Variants in DNAH17 observed in about 807,000 individuals in gnomAD.
DNAH17 encodes axonemal beta dynein heavy chain 17.
In DNAH17, 376 loss-of-function variants were observed where a neutral mutation model predicts 485.6. The observed-to-expected ratio is 0.77, with a 90% confidence interval of 0.71 to 0.84. DNAH17 has a LOEUF of 0.84. Among genes scored for constraint, DNAH17 ranks in the 40% least tolerant of loss-of-function variants. DNAH17 has a pLI of 0.00. For missense variants in DNAH17, 6,370 were observed against 5,839.3 expected, an observed-to-expected ratio of 1.09 and a Z score of -2.96; for synonymous variants, 3,031 against 2,405.9, an observed-to-expected ratio of 1.26 and a Z score of -7.60.
chr17:78,561,757 C>T lies in DNAH17; in HGVS notation c.1793G>A (p.Arg598Lys). The stretch of plus-strand genomic sequence containing the variant: ...CAGGTGTTTCATGGACACCTCTAGC[C>T]TCTCCTGCAGCTCCAGGCTCCATTT... ...QLKWSLELQE[R>K]LEVSMKHLKH... Residue 598 changes from arginine to lysine, a missense_variant, in exon 12 of 81, where the codon AGG becomes AAG. Arg to Lys is a conservative substitution (Grantham distance 26). Transcript: ENST00000389840. 2 of 1,612,800 alleles carry T rather than the reference C, an allele frequency of 1.2e-6. No individual in the cohort carries two copies. The highest frequency in any genetic ancestry group is 3.3e-5 in the Admixed American group (2 of 59,850).
rs762339622 is a variant in DNAH17, at chr17:78,485,741, G to T, written c.7292C>A (p.Thr2431Asn). 1.2e-6 allele frequency: 2 copies of T among 1,612,802 alleles called. No individual in the cohort carries two copies. The highest frequency in any genetic ancestry group is 1.7e-5 in the Admixed American group (1 of 59,934). ...DVPLQASLVH[T>N]TETIRIRYFM... Reference sequence around the variant, plus strand: ...GTAGCGGATGCGGATGGTTTCCGTGGTGTGGACCAAAGAGGCCTGGGGCAG... The same window carrying T: ...GTAGCGGATGCGGATGGTTTCCGTGTTGTGGACCAAAGAGGCCTGGGGCAG... The change falls in exon 47 of 81, where the codon ACC becomes AAC. Residue 2431 changes from threonine to asparagine, a missense_variant. Transcript: ENST00000389840.
intron 7 of DNAH17, among the ~76,000 whole-genome samples, chr17:78,569,890 G>A (rs554136234): frequency 5.3e-5 from 8 of 152,274 alleles, no homozygotes; most frequent in East Asian, 1.9e-4. Context: ...GCTAGCAGGT[G>A]CTTATGAATG....
chr17:78,542,693 C>G (rs1256786248), intron 17 of DNAH17, among the ~76,000 whole-genome samples: 1 of 152,188 alleles, frequency 6.6e-6, no homozygotes, highest in Admixed American at 6.5e-5. Context: ...CTGGTAGGGA[C>G]ATAGAGTCAT....
At chr17:78,432,907 C>CG (rs1025225509) in intron 75 of DNAH17, among the ~76,000 whole-genome samples, 1 of 118,662 alleles carries the variant, frequency 8.4e-6, no homozygotes, top group Non-Finnish European at 1.8e-5. Context: ...AACGTGCCCC[C>CG]CCCCCCCGAC....
Position 78,451,569 on chromosome 17 carries a change from T to C in DNAH17, c.10634A>G (p.Gln3545Arg), listed in dbSNP as rs2087555121. 1 of 1,613,618 alleles carries C rather than the reference T, an allele frequency of 6.2e-7. No individual in the cohort carries two copies. Among genetic ancestry groups the C allele is most frequent in the Non-Finnish European group, 8.5e-7 (1 of 1,179,662 alleles). The change falls in exon 66 of 81, where the codon CAG (glutamine) becomes CGG (arginine). Residue 3545 changes from glutamine (Q) to arginine (R), a missense_variant. Gln to Arg is a conservative substitution (Grantham distance 43). Coordinates refer to ENST00000389840, the MANE Select transcript of DNAH17 (RefSeq NM_173628.4). ...GACCAGGAAGTTGATGAGGGTGCACTGAGCCTGCATCTCTGGCTTGTAGTG... is the reference window on the plus strand; with the variant it reads ...GACCAGGAAGTTGATGAGGGTGCACCGAGCCTGCATCTCTGGCTTGTAGTG... ...NPHYKPEMQA[Q>R]CTLINFLVTR... is the part of the protein sequence containing the mutation.
In DNAH17 at chr17:78,475,752, G is replaced by C. The variant is rs1339781489; in HGVS notation, c.8236C>G (p.Pro2746Ala). 3 of 1,613,866 alleles carry C rather than the reference G, an allele frequency of 1.9e-6. No homozygotes were observed. Among genetic ancestry groups the C allele is most frequent in the South Asian group, 1.1e-5 (1 of 91,068 alleles). Residue 2746 changes from proline (P) to alanine (A), a missense_variant, in exon 53 of 81, where the codon CCT becomes GCT. Coordinates refer to ENST00000389840, the MANE Select transcript of DNAH17 (RefSeq NM_173628.4). ...TTCAGAGGAGCCATGTCGGTTACAGGAACATATTTGGGATCGCCAATCCCT... is the reference window on the plus strand; with the variant it reads ...TTCAGAGGAGCCATGTCGGTTACAGCAACATATTTGGGATCGCCAATCCCT... Reference protein sequence around the residue: ...AQGIGDPKYVPVTDMAPLNKL... With the variant: ...AQGIGDPKYVAVTDMAPLNKL...
At chr17:78,443,515 G>C (rs2087152535) in intron 71 of DNAH17, among the ~76,000 whole-genome samples, 1 of 151,602 alleles carries the variant, frequency 6.6e-6, no homozygotes, top group South Asian at 2.1e-4. Context: ...AGTCCTGGGA[G>C]TTAGGCCTCT....
chr17:78,423,967 T>TTCAAGTTAAAGGTCCAGACA lies in DNAH17; in HGVS notation c.13308_13327dup (p.Lys4443MetfsTer7). On this transcript the variant is annotated stop_gained and frameshift_variant, in exon 81 of 81. Transcript: ENST00000389840. LOFTEE classifies it high-confidence loss of function. The stretch of plus-strand genomic sequence containing the variant: ...CCACTTCGCTGCCTTCTCTTTGGTC[T>TTCAAGTTAAAGGTCCAGACA]TCAAGTTAAAGGTCCAGACATAGGT... 1.2e-6 allele frequency: 2 copies of TTCAAGTTAAAGGTCCAGACA among 1,614,060 alleles called. No homozygotes were observed. Among genetic ancestry groups the TTCAAGTTAAAGGTCCAGACA allele is most frequent in the Non-Finnish European group, 1.7e-6 (2 of 1,179,896 alleles).
chr17:78,570,869 A>G (rs1471387900), intron 6 of DNAH17, 79 bp downstream of exon 6: 2 of 766,892 alleles, frequency 2.6e-6, no homozygotes, highest in South Asian at 1.8e-5. Context: ...AAAAAAAAAA[A>G]AAAAAAAAAG....
At chr17:78,537,954 C>A (rs890895519) in intron 18 of DNAH17, among the ~76,000 whole-genome samples, 1 of 152,178 alleles carries the variant, frequency 6.6e-6, no homozygotes, top group African/African-American at 2.4e-5. Flanking sequence ...GCCTGGCCCA[C>A]ATGGCGAAGC....
chr17:78,451,426 G>A, intron 66 of DNAH17, 43 bp downstream of exon 66: 1 of 1,559,372 alleles, frequency 6.4e-7, no homozygotes, highest in East Asian at 2.3e-5. Context: ...CCCTCTGTGT[G>A]GGACGGCACC....
rs1568173867 is a variant in DNAH17, at chr17:78,507,539, G to A, written c.4503C>T (p.Ser1501=). 2 of 1,614,016 alleles carry A rather than the reference G, an allele frequency of 1.2e-6. No individual in the cohort carries two copies. The highest frequency in any genetic ancestry group is 1.7e-6 in the Non-Finnish European group (2 of 1,179,900). Residue 1501 remains serine, a synonymous_variant, in exon 28 of 81, where the codon AGC becomes AGT. Coordinates refer to ENST00000389840, the MANE Select transcript of DNAH17 (RefSeq NM_173628.4). Reference sequence around the variant, plus strand: ...GGATGTCTTCGGAGCCGATGAAGATGCTCTCCAGGTGGCTCCAGGTTCGCT... The same window carrying A: ...GGATGTCTTCGGAGCCGATGAAGATACTCTCCAGGTGGCTCCAGGTTCGCT... The part of the protein sequence containing the change: ...EVQRTWSHLE[S]IFIGSEDIRT...
intron 63 of DNAH17, 91 bp downstream of exon 63, chr17:78,455,553 C>T (rs150365576): frequency 2.0e-6 from 2 of 989,914 alleles, no homozygotes; most frequent in Admixed American, 3.3e-5. Flanking sequence ...TCATGAACTC[C>T]TGGCCTCAAG....
rs1411028124 is a variant in DNAH17, at chr17:78,560,884, C to A, written c.1887G>T (p.Met629Ile). 5 of 1,551,558 alleles carry A rather than the reference C, an allele frequency of 3.2e-6. No individual in the cohort carries two copies. The East Asian group carries it at 1.2e-4, about 38-fold the overall frequency. Residue 629 changes from methionine (M) to isoleucine (I), a missense_variant, in exon 13 of 81, where the codon ATG becomes ATT. Transcript: ENST00000389840. ...AKLTYQKYDE[M>I]MELLRCHREK... ...CGCGGTGGCACCTCAGCAGCTCCAT[C>A]ATCTCGTCATACTTCTGATAGGTCA...
chr17:78,469,968 T>C (rs987284806), intron 54 of DNAH17, among the ~76,000 whole-genome samples: 2 of 151,184 alleles, frequency 1.3e-5, no homozygotes, highest in African/African-American at 4.9e-5. Flanking sequence ...TTTGGGAAGA[T>C]GAAAGGGTCC....
rs747809245 is a variant in DNAH17 at position 78,514,886 on chromosome 17, A to AC, written c.4000dup (p.Val1334GlyfsTer42). 1 of 1,614,024 alleles carries AC rather than the reference A, an allele frequency of 6.2e-7. No individual in the cohort carries two copies. Among genetic ancestry groups the AC allele is most frequent in the East Asian group, 2.2e-5 (1 of 44,882 alleles). On this transcript the variant is annotated frameshift_variant, in exon 26 of 81. Transcript: ENST00000389840. LOFTEE classifies it high-confidence loss of function. ...GTTTTTCACGGTGTTGTCGAGCCCC[A>AC]CGAAGGCATCCCAGGTTTTCATCTC... is the stretch of plus-strand genomic sequence containing the variant.
chr17:78,548,046 G>T (rs1198842858), intron 16 of DNAH17, among the ~76,000 whole-genome samples: 1 of 152,156 alleles, frequency 6.6e-6, no homozygotes, highest in African/African-American at 2.4e-5. Context: ...TATATCCACT[G>T]TTACACAGCA....
intron 31 of DNAH17, among the ~76,000 whole-genome samples, chr17:78,504,204 T>G (rs1458368466): frequency 6.6e-6 from 1 of 151,954 alleles, no homozygotes; most frequent in African/African-American, 2.4e-5. Context: ...TAGCTGGGAC[T>G]ACAGGTGTCT....
intron 41 of DNAH17, 149 bp downstream of exon 41, chr17:78,493,887 C>T: frequency 8.4e-7 from 1 of 1,187,558 alleles, no homozygotes; most frequent in Non-Finnish European, 1.1e-6. Context: ...CCAGCTTCCT[C>T]CCTGGCCCAT....
Sources: allele counts gnomAD v4.1 joint callset (sites outside exome capture counted in the v4.1 genomes callset), GRCh38; gene constraint gnomAD v4.1.1; transcripts MANE v1.5; gene names NCBI Gene and HGNC (gene_info 2026-07-23, HGNC 2026-07-21).